The following PRKAR1A variants were observed in gnomAD, a reference collection of about 807,000 sequenced individuals.
The protein encoded by PRKAR1A is protein kinase cAMP-dependent type I regulatory subunit alpha.
A neutral mutation model predicts 52.0 loss-of-function variants in PRKAR1A; 3 were observed. The observed-to-expected ratio is 0.06, with a 90% CI of 0.03 to 0.15. PRKAR1A has a LOEUF of 0.15. Among genes scored for constraint, PRKAR1A ranks in the 10% least tolerant of loss-of-function variants. The probability of loss-of-function intolerance (pLI) is 1.00; values close to 1 mark genes in which losing one functional copy is unlikely to be tolerated. For missense variants in PRKAR1A, 240 were observed against 477.4 expected, an observed-to-expected ratio of 0.50 and a Z score of 4.63; for synonymous variants, 188 against 168.4, an observed-to-expected ratio of 1.12 and a Z score of -0.90.
Position 68,515,261 on chromosome 17 carries a change from C to T in PRKAR1A, c.-6-133C>T, listed in dbSNP as rs2085393325. On this transcript the variant is annotated intron_variant, in intron 1 of 10. Coordinates refer to ENST00000589228, the MANE Select transcript of PRKAR1A (RefSeq NM_002734.5). ...TATTTTATTCCCTAGTCCCCACTTC[C>T]CTGTTTAAAAACAAAATCTACTTAG... 4 of 923,700 alleles carry T rather than the reference C, an allele frequency of 4.3e-6. No individual in the cohort carries two copies. In the African/African-American group the frequency reaches 4.9e-5, roughly 11 times the overall value. 57.2% of individuals were successfully genotyped at this position (923,700 alleles called of 1,614,324 possible). A position where few individuals can be genotyped will look rare whatever the true frequency, so the allele number is the denominator to read the frequency against.
chr17:68,543,614 G>A, intron 11 of PRKAR1A: 1 of 1,612,512 alleles, frequency 6.2e-7, no homozygotes, highest in Non-Finnish European at 8.5e-7. Context: ...CCATCTCCAT[G>A]GGGCCAGACC....
chr17:68,496,696 C>T, the PRKAR1A span, among the ~76,000 whole-genome samples: 1 of 151,684 alleles, frequency 6.6e-6, no homozygotes, highest in South Asian at 2.1e-4. Context: ...GAACAGAAGT[C>T]TGCTATGTAG....
In PRKAR1A at chr17:68,532,303, A is replaced by G. The variant is rs1012275320; in HGVS notation, c.*1854A>G. 13 of 1,052,462 alleles carry G rather than the reference A, an allele frequency of 1.2e-5. No individual in the cohort carries two copies. Among genetic ancestry groups the G allele is most frequent in the African/African-American group, 1.6e-5 (1 of 60,780 alleles). The allele number at this position is 1,052,462 out of a possible 1,614,324, so 65.2% of individuals were successfully genotyped here. A position where few individuals can be genotyped will look rare whatever the true frequency, so the allele number is the denominator to read the frequency against. On this transcript the variant is annotated 3_prime_UTR_variant, in exon 11 of 11. Coordinates refer to ENST00000589228, the MANE Select transcript of PRKAR1A (RefSeq NM_002734.5). ...ACTTAAATGAGTTACTTAGAATGCC[A>G]TAAAATTGCAGTTTCATGTATGTAT...
At position 68,515,382 on chromosome 17, in the gene PRKAR1A, T is replaced by G. The variant is rs905180467; in HGVS notation, c.-6-12T>G. ...TAGTTTATACAAGCATGTGTGTGTTTTTTTCTCGCAGAGAACCATGGAGTC... is the reference window on the plus strand; with the variant it reads ...TAGTTTATACAAGCATGTGTGTGTTGTTTTCTCGCAGAGAACCATGGAGTC... On this transcript the variant is annotated splice_polypyrimidine_tract_variant and intron_variant, in intron 1 of 10. Coordinates refer to ENST00000589228, the MANE Select transcript of PRKAR1A (RefSeq NM_002734.5). 1.2e-6 allele frequency: 2 copies of G among 1,612,770 alleles called. No homozygotes were observed. Among genetic ancestry groups the G allele is most frequent in the Non-Finnish European group, 1.7e-6 (2 of 1,180,024 alleles).
the PRKAR1A span, among the ~76,000 whole-genome samples, chr17:68,444,867 C>T: frequency 6.6e-6 from 1 of 151,470 alleles, no homozygotes; most frequent in African/African-American, 2.4e-5. Flanking sequence ...CCATTCCTCC[C>T]TCCCTCTCTT....
chr17:68,419,401 C>T, the PRKAR1A span, among the ~76,000 whole-genome samples: 4 of 152,108 alleles, frequency 2.6e-5, no homozygotes, highest in South Asian at 2.1e-4. Context: ...TATGGTGAAA[C>T]GCCATCTCTA....
chr17:68,455,948 T>C, the PRKAR1A span, among the ~76,000 whole-genome samples: 3 of 152,234 alleles, frequency 2.0e-5, no homozygotes, highest in Non-Finnish European at 4.4e-5. Flanking sequence ...AAATGTTTCT[T>C]ACAGAACATC....
chr17:68,446,048 T>C, the PRKAR1A span, among the ~76,000 whole-genome samples: 1 of 152,116 alleles, frequency 6.6e-6, no homozygotes, highest in Non-Finnish European at 1.5e-5. Context: ...TACCAAAAAA[T>C]ACCACACAAA....
Position 68,530,317 on chromosome 17 carries a change from A to G in PRKAR1A, c.1014A>G (p.Thr338=), listed in dbSNP as rs1409504061. The part of the protein sequence containing the change: ...ALLMNRPRAA[T]VVARGPLKCV... ...TGATGAATCGTCCTCGTGCTGCCAC[A>G]GTTGTTGCTCGTGGCCCCTTGAAGT... The change falls in exon 11 of 11, where the codon ACA becomes ACG. Residue 338 remains threonine, a synonymous_variant. Transcript: ENST00000589228. 7.4e-6 allele frequency: 12 copies of G among 1,614,050 alleles called. No individual in the cohort carries two copies. The highest frequency in any genetic ancestry group is 1.1e-5 in the South Asian group (1 of 91,088).
the PRKAR1A span, among the ~76,000 whole-genome samples, chr17:68,423,320 T>G: frequency 6.6e-6 from 1 of 152,202 alleles, no homozygotes; most frequent in African/African-American, 2.4e-5. The surrounding 1 kb of genome is among the most constrained non-coding windows in gnomAD (Gnocchi z 4.4). Flanking sequence ...TGATAGAGCA[T>G]CCCAGGAGCA....
the PRKAR1A span, chr17:68,428,720 G>T: frequency 1.2e-6 from 1 of 838,236 alleles, no homozygotes; most frequent in Non-Finnish European, 1.9e-6. Context: ...GAGACTGCCA[G>T]TGAAGAACAA....
the PRKAR1A span, among the ~76,000 whole-genome samples, chr17:68,480,205 G>A: frequency 5.9e-5 from 9 of 151,944 alleles, no homozygotes; most frequent in Non-Finnish European, 8.8e-5. Context: ...TAATGTCTTC[G>A]ATTATGTAAA....
At chr17:68,483,317 C>T in the PRKAR1A span, among the ~76,000 whole-genome samples, 66 of 152,002 alleles carry the variant, frequency 4.3e-4, no homozygotes, top group African/African-American at 1.6e-3. Flanking sequence ...CCCATCTCTA[C>T]TAAAAATACA....
At chr17:68,440,176 A>T in the PRKAR1A span, among the ~76,000 whole-genome samples, 1 of 152,196 alleles carries the variant, frequency 6.6e-6, no homozygotes, top group Non-Finnish European at 1.5e-5. Flanking sequence ...CTACCAATCC[A>T]TCTGAATTTA....
At chr17:68,470,793 AG>A in the PRKAR1A span, among the ~76,000 whole-genome samples, 1 of 152,238 alleles carries the variant, frequency 6.6e-6, no homozygotes, top group African/African-American at 2.4e-5. Flanking sequence ...CAACATTTCC[AG>A]GCAGGAATTA....
chr17:68,419,847 A>G, the PRKAR1A span, among the ~76,000 whole-genome samples: 5 of 151,452 alleles, frequency 3.3e-5, no homozygotes, highest in Admixed American at 6.6e-5. Context: ...AGCCCCATCT[A>G]CTTGGGAGGC....
At chr17:68,469,114 G>C in the PRKAR1A span, among the ~76,000 whole-genome samples, 1 of 151,924 alleles carries the variant, frequency 6.6e-6, no homozygotes. Flanking sequence ...TGACTCCCAG[G>C]GAAAATTGAG....
At position 68,532,599 on chromosome 17, in the gene PRKAR1A, A is replaced by G; in HGVS notation, c.*2150A>G. On this transcript the variant is annotated 3_prime_UTR_variant, in exon 11 of 11. Coordinates refer to ENST00000589228, the MANE Select transcript of PRKAR1A (RefSeq NM_002734.5). ...TCATTATTCCTGGGCTTGGTAAGTG[A>G]ATTTATGAGATTTACTGCTCTAGAA... The G allele has an allele frequency of 9.4e-7, 1 of 1,066,208 alleles. No individual in the cohort carries two copies. Among genetic ancestry groups the G allele is most frequent in the African/African-American group, 1.6e-5 (1 of 61,222 alleles). 66.0% of individuals were successfully genotyped at this position (1,066,208 alleles called of 1,614,324 possible). A position where few individuals can be genotyped will look rare whatever the true frequency, so the allele number is the denominator to read the frequency against.
chr17:68,418,744 T>G, the PRKAR1A span, among the ~76,000 whole-genome samples: 1 of 152,126 alleles, frequency 6.6e-6, no homozygotes, highest in Admixed American at 6.5e-5. Context: ...AGAATGCCAG[T>G]GAGCATTCCA....
Sources: allele counts gnomAD v4.1 joint callset (sites outside exome capture counted in the v4.1 genomes callset), GRCh38; gene constraint gnomAD v4.1.1; non-coding constraint Gnocchi (gnomAD v3.1); transcripts MANE v1.5; gene names NCBI Gene and HGNC (gene_info 2026-07-23, HGNC 2026-07-21).